TTLL11: variants seen among roughly 807,000 people sequenced by gnomAD.
The protein encoded by TTLL11 is tubulin polyglutamylase TTLL11.
A neutral mutation model predicts 51.7 loss-of-function variants in TTLL11; 42 were observed. The ratio of observed to expected loss-of-function variants is 0.81; its 90% CI spans 0.64 to 1.05. The LOEUF (loss-of-function observed/expected upper bound fraction) is 1.05. TTLL11 is among the 50% of genes least tolerant of loss of function. The pLI is 0.00. For missense variants in TTLL11, 799 were observed against 940.4 expected, an observed-to-expected ratio of 0.85 and a Z score of 1.97; for synonymous variants, 381 against 383.5, an observed-to-expected ratio of 0.99 and a Z score of 0.08.
chr9:122,088,688 G>A (rs1281217345), intron 1 of TTLL11, among the ~76,000 whole-genome samples: 1 of 152,148 alleles, frequency 6.6e-6, no homozygotes, highest in Non-Finnish European at 1.5e-5. Context: ...TGTTGTTGTT[G>A]TTAAATATAT....
At chr9:121,845,802 A>G (rs996999106) in intron 8 of TTLL11, among the ~76,000 whole-genome samples, 1 of 152,200 alleles carries the variant, frequency 6.6e-6, no homozygotes, top group African/African-American at 2.4e-5. Flanking sequence ...GATAAAGTGG[A>G]ATTATACAAA....
intron 6 of TTLL11, among the ~76,000 whole-genome samples, chr9:121,901,565 C>T (rs1280602377): frequency 6.6e-6 from 1 of 152,070 alleles, no homozygotes; most frequent in Non-Finnish European, 1.5e-5. Context: ...TGAGATTGGG[C>T]TTATGGCTCT....
intron 6 of TTLL11, among the ~76,000 whole-genome samples, chr9:121,956,699 TA>T (rs1163037173): frequency 6.6e-6 from 1 of 152,200 alleles, no homozygotes. Flanking sequence ...GGCAGGCAAG[TA>T]GTTCTCAAAG....
intron 6 of TTLL11, among the ~76,000 whole-genome samples, chr9:121,905,423 C>G (rs1839910988): frequency 1.3e-5 from 2 of 151,766 alleles, no homozygotes; most frequent in Non-Finnish European, 2.9e-5. Flanking sequence ...ACGAACTCGG[C>G]TCACTGCAAC....
intron 3 of TTLL11, among the ~76,000 whole-genome samples, chr9:122,026,667 C>T (rs1354909150): frequency 1.3e-5 from 2 of 152,042 alleles, no homozygotes; most frequent in African/African-American, 4.8e-5. Flanking sequence ...AGGCTCTCTG[C>T]AGAGTCTCAA....
chr9:122,017,394 G>A (rs372704959), intron 3 of TTLL11, among the ~76,000 whole-genome samples: 43 of 151,830 alleles, frequency 2.8e-4, no homozygotes, highest in African/African-American at 9.9e-4. Context: ...ATACCTGTGC[G>A]AGGATATTCC....
At chr9:121,824,834 T>C (rs1291272610) in intron 8 of TTLL11, among the ~76,000 whole-genome samples, 1 of 152,134 alleles carries the variant, frequency 6.6e-6, no homozygotes, top group African/African-American at 2.4e-5. Context: ...CTTCTGGCAC[T>C]GGGGGCAGCA....
At chr9:121,917,508 G>GAAAAGAAAAGAAA (rs1402634386) in intron 6 of TTLL11, among the ~76,000 whole-genome samples, 1 of 60,796 alleles carries the variant, frequency 1.6e-5, no homozygotes, top group African/African-American at 6.0e-5. Flanking sequence ...AAGAAAAGAA[G>GAAAAGAAAAGAAA]GAGAGAGAGA....
chr9:121,983,958 T>G (rs1842882542), intron 4 of TTLL11, among the ~76,000 whole-genome samples: 1 of 152,172 alleles, frequency 6.6e-6, no homozygotes, highest in African/African-American at 2.4e-5. Flanking sequence ...AGAAAGGGTT[T>G]ATCTAGGAGG....
intron 3 of TTLL11, among the ~76,000 whole-genome samples, chr9:122,008,050 A>G (rs1843702508): frequency 6.6e-6 from 1 of 152,192 alleles, no homozygotes; most frequent in Non-Finnish European, 1.5e-5. Flanking sequence ...TGTATCCTGG[A>G]TCTAATACTG....
rs149709911 is a variant in TTLL11, at chr9:121,920,816, C to T, written c.1482-50068G>A. Among the ~76,000 whole-genome samples the T allele has an allele frequency of 3.1e-4, 47 of 152,258 alleles. No individual in the cohort carries two copies. In the East Asian group the frequency reaches 5.8e-3, roughly 19 times the overall value. On this transcript the variant is annotated intron_variant, in intron 6 of 8. Coordinates refer to ENST00000321582, the MANE Select transcript of TTLL11 (RefSeq NM_001139442.2). ...TTCAGTCTTGTGAAGACCATGAAGACGAGCAGCCTCCCTTGCAGGGAAGGA... is the reference window on the plus strand; with the variant it reads ...TTCAGTCTTGTGAAGACCATGAAGATGAGCAGCCTCCCTTGCAGGGAAGGA...
intron 7 of TTLL11, among the ~76,000 whole-genome samples, chr9:121,863,171 T>C (rs1326259636): frequency 1.3e-5 from 2 of 152,120 alleles, no homozygotes; most frequent in East Asian, 3.9e-4. Context: ...CAGCACACGG[T>C]TATTGAGCCC....
At chr9:121,922,003 A>T (rs1156607074) in intron 6 of TTLL11, among the ~76,000 whole-genome samples, 5 of 152,152 alleles carry the variant, frequency 3.3e-5, no homozygotes, top group African/African-American at 4.8e-5. Flanking sequence ...ATGAGATAAC[A>T]TCTTCAAGGA....
rs544106460 is a variant in TTLL11, at chr9:121,945,447, C to T, written c.1481+28562G>A. Among the ~76,000 whole-genome samples the T allele has an allele frequency of 7.7e-4, 118 of 152,278 alleles. No individual in the cohort carries two copies. The Middle Eastern group carries it at 0.01, about 13-fold the overall frequency. On this transcript the variant is annotated intron_variant, in intron 6 of 8. Coordinates refer to ENST00000321582, the MANE Select transcript of TTLL11 (RefSeq NM_001139442.2). ...GAAGAGTGATTTGATCTGATCTGTT[C>T]AAGGAGCCGACCACAATGATGCTCT...
At chr9:121,894,718 G>A (rs1378032014) in intron 6 of TTLL11, among the ~76,000 whole-genome samples, 2 of 152,110 alleles carry the variant, frequency 1.3e-5, no homozygotes, top group Non-Finnish European at 2.9e-5. Context: ...ATGGACACAA[G>A]GAGGGGAACA....
At chr9:122,090,362 C>G (rs1341314137) in intron 1 of TTLL11, among the ~76,000 whole-genome samples, 1 of 152,134 alleles carries the variant, frequency 6.6e-6, no homozygotes, top group East Asian at 1.9e-4. Context: ...TCGCATGGCA[C>G]ATGATCTGAT....
intron 1 of TTLL11, among the ~76,000 whole-genome samples, chr9:122,054,527 C>G (rs2131855571): frequency 6.6e-6 from 1 of 152,260 alleles, no homozygotes; most frequent in Non-Finnish European, 1.5e-5. Context: ...GCAAATAGCT[C>G]TGAAAAGATT....
intron 6 of TTLL11, among the ~76,000 whole-genome samples, chr9:121,920,607 G>T (rs1360218299): frequency 6.6e-6 from 1 of 152,164 alleles, no homozygotes; most frequent in East Asian, 1.9e-4. Context: ...CTAAAGTGAG[G>T]TACCTAATAA....
intron 3 of TTLL11, among the ~76,000 whole-genome samples, chr9:122,026,051 G>T (rs1269407222): frequency 2.6e-5 from 4 of 152,162 alleles, no homozygotes; most frequent in Admixed American, 6.5e-5. Context: ...GTTATATAAT[G>T]CCATTTACAT....
Sources: gnomAD v4.1 joint callset for allele counts (sites outside exome capture counted in the v4.1 genomes callset) on GRCh38, gnomAD v4.1.1 for gene constraint, MANE v1.5 for transcripts, NCBI Gene and HGNC (gene_info 2026-07-23, HGNC 2026-07-21) for gene names.